The following TMBIM4 variants were observed in gnomAD, a reference collection of about 807,000 sequenced individuals.
The protein encoded by TMBIM4 is protein lifeguard 4.
A neutral mutation model predicts 27.7 loss-of-function variants in TMBIM4; 28 were observed. The ratio of observed to expected loss-of-function variants is 1.01; its 90% CI spans 0.75 to 1.38. The LOEUF (loss-of-function observed/expected upper bound fraction) is 1.38, where lower values mean the gene tolerates loss of function less well. TMBIM4 is among the 40% of genes most tolerant of loss of function. The pLI, the probability that TMBIM4 is intolerant of heterozygous loss-of-function variation, is 0.00. For missense variants in TMBIM4, 265 were observed against 277.5 expected (o/e 0.95, Z 0.32); for synonymous variants, 115 against 113.1 (o/e 1.02, Z -0.11).
intron 1 of TMBIM4, among the ~76,000 whole-genome samples, chr12:66,166,920 G>A (rs1018476690): frequency 2.0e-5 from 3 of 152,162 alleles, no homozygotes; most frequent in Admixed American, 6.6e-5. Flanking sequence ...TGAATAAACT[G>A]TAATGCATCC....
At chr12:66,154,375 G>GA (rs1465697512) in intron 1 of TMBIM4, among the ~76,000 whole-genome samples, 1 of 152,164 alleles carries the variant, frequency 6.6e-6, no homozygotes, top group Non-Finnish European at 1.5e-5. Flanking sequence ...TAATAATTGG[G>GA]AAGAAGCCTA....
Position 66,169,906 on chromosome 12 carries a change from C to T in TMBIM4, c.46G>A (p.Asp16Asn). Residue 16 changes from aspartate to asparagine, a missense_variant, in exon 1 of 7, where the codon GAC becomes AAC. Transcript: ENST00000358230. ...GCCACGCTGCTGCCATAGTTGAAGT[C>T]GTCCTCGATCGAGGAGCGAGGGTAC... ...PRYPRSSIED[D>N]FNYGSSVASA... is the part of the protein sequence containing the mutation. 6.7e-7 allele frequency: 1 copy of T among 1,496,270 alleles called. No individual in the cohort carries two copies. The highest frequency in any genetic ancestry group is 1.7e-4 in the Middle Eastern group (1 of 5,818). The allele number at this position is 1,496,270 out of a possible 1,614,324, so 92.7% of individuals were successfully genotyped here.
chr12:66,157,768 A>T (rs1351110553), intron 1 of TMBIM4, among the ~76,000 whole-genome samples: 2 of 152,356 alleles, frequency 1.3e-5, no homozygotes, highest in East Asian at 3.9e-4. Flanking sequence ...TTATATACTC[A>T]GAAAAAGTTT....
chr12:66,140,153 A>T (rs2051644111), intron 5 of TMBIM4, among the ~76,000 whole-genome samples: 1 of 152,232 alleles, frequency 6.6e-6, no homozygotes, highest in Non-Finnish European at 1.5e-5. Context: ...ATGACCCATA[A>T]CAAGGAGAAG....
At chr12:66,155,274 C>T (rs1565786305) in intron 1 of TMBIM4, among the ~76,000 whole-genome samples, 1 of 151,782 alleles carries the variant, frequency 6.6e-6, no homozygotes. Context: ...CCTCTAGACT[C>T]AGCCTCCCAA....
At chr12:66,148,023 G>T in intron 3 of TMBIM4, 82 bp from the exon 4 acceptor site, 1 of 1,273,844 alleles carries the variant, frequency 7.9e-7, no homozygotes. Flanking sequence ...AGCTTAATGT[G>T]ATCCCATATG....
At chr12:66,163,649 G>A (rs1469664278) in intron 1 of TMBIM4, among the ~76,000 whole-genome samples, 7 of 152,178 alleles carry the variant, frequency 4.6e-5, no homozygotes, top group Non-Finnish European at 8.8e-5. Flanking sequence ...CCCACAACAC[G>A]TGGGGATGAT....
At chr12:66,147,860 C>G in intron 4 of TMBIM4, 48 bp downstream of exon 4, 1 of 1,513,786 alleles carries the variant, frequency 6.6e-7, no homozygotes, top group Non-Finnish European at 9.1e-7. Flanking sequence ...AAAGATCTAT[C>G]TACATTAAAA....
rs1365498156 is a variant in TMBIM4 at position 66,169,837 on chromosome 12, G to A, written c.97+18C>T. On this transcript the variant is annotated intron_variant, in intron 1 of 6. Transcript: ENST00000358230. ...TGCAGACAAGCGGCTGGGAGGCACT[G>A]GAGAGGGGACAACGTACCCATTCGG... The A allele has an allele frequency of 2.0e-6, 3 of 1,505,852 alleles. No individual in the cohort carries two copies. The highest frequency in any genetic ancestry group is 2.7e-6 in the Non-Finnish European group (3 of 1,126,116). The allele number at this position is 1,505,852 out of a possible 1,614,324, so 93.3% of individuals were successfully genotyped here.
At chr12:66,151,166 TAA>T (rs1195059694) in intron 3 of TMBIM4, among the ~76,000 whole-genome samples, 1 of 107,872 alleles carries the variant, frequency 9.3e-6, no homozygotes, top group African/African-American at 4.5e-5. Context: ...TCAGAATTCA[TAA>T]ACTTTTTAGT....
intron 6 of TMBIM4, 26 bp downstream of exon 6, chr12:66,138,698 A>C (rs764410697): frequency 2.5e-5 from 38 of 1,523,594 alleles, no homozygotes; most frequent in Non-Finnish European, 3.3e-5. Context: ...ATTATATTTC[A>C]AATTAACCAT....
rs779279762 is a variant in TMBIM4, at chr12:66,138,779, T to C, written c.465-10A>G. The C allele has an allele frequency of 2.6e-6, 4 of 1,536,974 alleles. No individual in the cohort carries two copies. The highest frequency in any genetic ancestry group is 3.5e-6 in the Non-Finnish European group (4 of 1,151,302). ...CAAAAGAGCAAACAGCCTATAAAAATACAATTTTAGTAATTTGCAATATTG... is the reference window on the plus strand; with the variant it reads ...CAAAAGAGCAAACAGCCTATAAAAACACAATTTTAGTAATTTGCAATATTG... On this transcript the variant is annotated splice_polypyrimidine_tract_variant and intron_variant, in intron 5 of 6. Transcript: ENST00000358230.
intron 5 of TMBIM4, chr12:66,139,831 A>G: frequency 2.2e-6 from 1 of 451,430 alleles, no homozygotes; most frequent in South Asian, 1.6e-5. Context: ...TTCACACAGG[A>G]CTGGGAATAG....
intron 1 of TMBIM4, chr12:66,169,156 G>A (rs1350358988): frequency 1.5e-5 from 10 of 647,454 alleles, no homozygotes; most frequent in Non-Finnish European, 2.8e-5. Context: ...TGAAAGTCTG[G>A]GGCTGTTTCG....
intron 1 of TMBIM4, among the ~76,000 whole-genome samples, chr12:66,166,320 C>T (rs1025050810): frequency 6.6e-6 from 1 of 151,884 alleles, no homozygotes. Flanking sequence ...AAAAAATTAG[C>T]TAGGCATGGT....
chr12:66,145,751 C>T, intron 5 of TMBIM4, 90 bp downstream of exon 5: 1 of 721,990 alleles, frequency 1.4e-6, no homozygotes, highest in Non-Finnish European at 2.3e-6. Flanking sequence ...AAAGACAGTA[C>T]CCAAAAATAA....
chr12:66,147,813 T>C lies in TMBIM4; in HGVS notation c.346+95A>G, dbSNP rs986020896. 11 of 897,986 alleles carry C rather than the reference T, an allele frequency of 1.2e-5. No individual in the cohort carries two copies. In the Admixed American group the frequency reaches 2.7e-4, roughly 22 times the overall value. The allele number at this position is 897,986 out of a possible 1,614,324, so 55.6% of individuals were successfully genotyped here. A position where few individuals can be genotyped will look rare whatever the true frequency, so the allele number is the denominator to read the frequency against. On this transcript the variant is annotated intron_variant, in intron 4 of 6. Transcript: ENST00000358230. ...TATATTTCTGAAATATGATATTCCA[T>C]GATGTTAAACTTTAGCCCCAAATAC...
intron 5 of TMBIM4, chr12:66,139,536 G>C: frequency 2.3e-6 from 1 of 441,870 alleles, no homozygotes. Context: ...CAGCTACAGA[G>C]GGTTTCCAGG....
Position 66,138,741 on chromosome 12 carries a change from G to A in TMBIM4, c.493C>T (p.Leu165=). The A allele has an allele frequency of 2.6e-6, 4 of 1,548,306 alleles. No homozygotes were observed. The highest frequency in any genetic ancestry group is 2.6e-6 in the Non-Finnish European group (3 of 1,156,606). Reference sequence around the variant, plus strand: ...TAACTTACCTTCAAGAATCCTGACAGGCACAATATCCACAAAAGAGCAAAC... The same window carrying A: ...TAACTTACCTTCAAGAATCCTGACAAGCACAATATCCACAAAAGAGCAAAC... The part of the protein sequence containing the change: ...GLFALLWILC[L]SGFLKFFFYS... The change falls in exon 6 of 7, where the codon CTG becomes TTG. Residue 165 remains leucine (L), a synonymous_variant. Coordinates refer to ENST00000358230, the MANE Select transcript of TMBIM4 (RefSeq NM_016056.4).
Sources: gnomAD v4.1 joint callset for allele counts (sites outside exome capture counted in the v4.1 genomes callset) on GRCh38, gnomAD v4.1.1 for gene constraint, MANE v1.5 for transcripts, NCBI Gene and HGNC (gene_info 2026-07-23, HGNC 2026-07-21) for gene names.